Variants in DLG2 observed in about 807,000 individuals in gnomAD.
DLG2 encodes disks large homolog 2.
In DLG2, 45 loss-of-function variants were observed where a neutral mutation model predicts 132.5. The observed-to-expected ratio is 0.34, with a 90% CI of 0.27 to 0.44. The LOEUF (loss-of-function observed/expected upper bound fraction) is 0.44. Among genes scored for constraint, DLG2 ranks in the 20% least tolerant of loss-of-function variants. The pLI is 1.00. For missense variants in DLG2, 1,045 were observed against 1,196.9 expected (o/e 0.87, Z 1.87); for synonymous variants, 424 against 419.6 (o/e 1.01, Z -0.13).
intron 7 of DLG2, among the ~76,000 whole-genome samples, chr11:84,364,288 C>T (rs1201760762): frequency 6.6e-6 from 1 of 152,050 alleles, no homozygotes; most frequent in Non-Finnish European, 1.5e-5. Flanking sequence ...AATGGGAGTT[C>T]ACTCATGATT....
chr11:84,039,619 T>C (rs554771211), intron 11 of DLG2, among the ~76,000 whole-genome samples: 105 of 55,762 alleles, frequency 1.9e-3, no homozygotes, highest in Non-Finnish European at 2.8e-3. Context: ...CAGTCTATCA[T>C]TGTTGGACAT....
intron 6 of DLG2, among the ~76,000 whole-genome samples, chr11:84,859,264 CAT>C (rs1785104061): frequency 1.3e-5 from 2 of 148,620 alleles, no homozygotes; most frequent in African/African-American, 2.5e-5. Flanking sequence ...CATATATATA[CAT>C]GTTTTATATA....
chr11:85,343,202 T>C (rs1486796428), intron 3 of DLG2, among the ~76,000 whole-genome samples: 1 of 152,198 alleles, frequency 6.6e-6, no homozygotes, highest in Non-Finnish European at 1.5e-5. Context: ...TAATATCCAT[T>C]GTGTTCTTTT....
intron 5 of DLG2, among the ~76,000 whole-genome samples, chr11:85,124,509 C>T (rs2074826757): frequency 6.6e-6 from 1 of 152,154 alleles, no homozygotes; most frequent in South Asian, 2.1e-4. Context: ...GTATTATTAC[C>T]CCATTTCAGA....
chr11:83,714,707 C>T (rs1468652920), intron 18 of DLG2, among the ~76,000 whole-genome samples: 1 of 152,174 alleles, frequency 6.6e-6, no homozygotes, highest in Non-Finnish European at 1.5e-5. Context: ...AGTTAACTCA[C>T]TACTGATAAC....
chr11:83,459,047 T>C lies in DLG2; in HGVS notation c.*771A>G, dbSNP rs2089421412. On this transcript the variant is annotated 3_prime_UTR_variant, in exon 28 of 28. Coordinates refer to ENST00000376104, the MANE Select transcript of DLG2 (RefSeq NM_001142699.3). ...TCTTTCAATATTAGTCTTTACAAAA[T>C]ATTTCACAAAACTTTTTTAACCTAT... is the stretch of plus-strand genomic sequence containing the variant. 6.6e-6 allele frequency: 1 copy of C among 152,558 alleles called. No homozygotes were observed. The highest frequency in any genetic ancestry group is 6.5e-5 in the Admixed American group (1 of 15,290). 9.5% of individuals were successfully genotyped at this position (152,558 alleles called of 1,614,324 possible).
intron 3 of DLG2, among the ~76,000 whole-genome samples, chr11:85,410,192 A>T (rs1313594161): frequency 2.6e-5 from 4 of 151,874 alleles, no homozygotes; most frequent in Non-Finnish European, 4.4e-5. Flanking sequence ...GAAGTAGAAG[A>T]GGCTTTTTCT....
chr11:83,672,538 TC>T (rs2077007166), intron 18 of DLG2, among the ~76,000 whole-genome samples: 1 of 152,184 alleles, frequency 6.6e-6, no homozygotes, highest in African/African-American at 2.4e-5. Context: ...GGAAGATTGC[TC>T]AGTGTACTCC....
intron 3 of DLG2, among the ~76,000 whole-genome samples, chr11:85,312,153 T>A (rs2080355021): frequency 6.6e-6 from 1 of 152,028 alleles, no homozygotes; most frequent in African/African-American, 2.4e-5. Context: ...ATTGTCTCTA[T>A]TAATTATCTC....
In DLG2 at chr11:84,164,691, G is replaced by A. The variant is rs184190088; in HGVS notation, c.574-1180C>T. 4.1e-3 allele frequency among the ~76,000 whole-genome samples: 618 copies of A among 152,296 alleles called. 3 individuals carry two copies. Among genetic ancestry groups the A allele is most frequent in the Non-Finnish European group, 6.9e-3 (470 of 68,016 alleles). On this transcript the variant is annotated intron_variant, in intron 8 of 27. Transcript: ENST00000376104. ...GGATTCTCTTTTGTAACAAAAAATTGAATGTAGTATCATCACCTAAAGGTG... is the reference window on the plus strand; with the variant it reads ...GGATTCTCTTTTGTAACAAAAAATTAAATGTAGTATCATCACCTAAAGGTG...
intron 6 of DLG2, among the ~76,000 whole-genome samples, chr11:84,689,654 C>T (rs1306588726): frequency 6.6e-6 from 1 of 152,052 alleles, no homozygotes; most frequent in African/African-American, 2.4e-5. Flanking sequence ...AGAGGTTTGA[C>T]AATTCTCCAG....
At chr11:84,098,028 C>T (rs1209452827) in intron 10 of DLG2, among the ~76,000 whole-genome samples, 1 of 134,484 alleles carries the variant, frequency 7.4e-6, no homozygotes, top group Non-Finnish European at 1.6e-5. Flanking sequence ...CTAAACTCAC[C>T]ATGTGCCTTT....
intron 10 of DLG2, among the ~76,000 whole-genome samples, chr11:84,062,004 T>G (rs2154133905): frequency 6.6e-6 from 1 of 152,312 alleles, no homozygotes; most frequent in Non-Finnish European, 1.5e-5. Flanking sequence ...ACCATCACTC[T>G]ATGCTCAGAA....
intron 7 of DLG2, among the ~76,000 whole-genome samples, chr11:84,472,684 A>G (rs2099111524): frequency 1.3e-5 from 2 of 152,086 alleles, no homozygotes; most frequent in South Asian, 2.1e-4. Flanking sequence ...GTCTACTTCT[A>G]TTTATTGAGG....
intron 18 of DLG2, among the ~76,000 whole-genome samples, chr11:83,745,970 T>A (rs1350886627): frequency 6.6e-6 from 1 of 152,024 alleles, no homozygotes; most frequent in African/African-American, 2.4e-5. Context: ...AACAGACACA[T>A]GAAAAAATGC....
chr11:84,321,158 C>A (rs1477714247), intron 7 of DLG2, among the ~76,000 whole-genome samples: 1 of 152,174 alleles, frequency 6.6e-6, no homozygotes, highest in Non-Finnish European at 1.5e-5. Context: ...TTAAGTCATG[C>A]TCTACAGTAT....
chr11:85,521,291 T>C (rs1430405476), intron 3 of DLG2, among the ~76,000 whole-genome samples: 1 of 152,168 alleles, frequency 6.6e-6, no homozygotes, highest in East Asian at 1.9e-4. Flanking sequence ...TGAGGGGCTT[T>C]TCCCCCACTT....
At chr11:84,743,552 A>G (rs1214655597) in intron 6 of DLG2, among the ~76,000 whole-genome samples, 1 of 152,312 alleles carries the variant, frequency 6.6e-6, no homozygotes, top group African/African-American at 2.4e-5. Flanking sequence ...TAAAGAATTT[A>G]CACACTAGAG....
intron 17 of DLG2, among the ~76,000 whole-genome samples, chr11:83,831,201 C>T (rs1011431366): frequency 3.3e-5 from 5 of 152,066 alleles, no homozygotes; most frequent in African/African-American, 2.4e-5. Flanking sequence ...GACATGTAAA[C>T]GTATATGCAC....
Sources: allele counts gnomAD v4.1 joint callset (sites outside exome capture counted in the v4.1 genomes callset), GRCh38; gene constraint gnomAD v4.1.1; transcripts MANE v1.5; gene names NCBI Gene and HGNC (gene_info 2026-07-23, HGNC 2026-07-21).